Variants in ARHGAP8 observed in about 807,000 individuals in gnomAD.
ARHGAP8 encodes rho GTPase-activating protein 8.
ARHGAP8 carries 62 observed loss-of-function variants against 46.1 expected under a neutral mutation model. That is an observed-to-expected ratio of 1.34 (90% CI 1.10 to 1.66). ARHGAP8 has a LOEUF of 1.66. Among genes scored for constraint, ARHGAP8 ranks in the 40% most tolerant of loss-of-function variants. The probability of loss-of-function intolerance (pLI) is 0.00; values close to 1 mark genes in which losing one functional copy is unlikely to be tolerated. For synonymous variants in ARHGAP8, 375 were observed against 243.1 expected, an observed-to-expected ratio of 1.54 and a Z score of -5.05; for missense variants, 923 against 568.4, an observed-to-expected ratio of 1.62 and a Z score of -6.34.
intron 2 of ARHGAP8, among the ~76,000 whole-genome samples, chr22:44,801,140 T>G (rs9614939): frequency 2.5e-5 from 1 of 40,200 alleles, no homozygotes; most frequent in African/African-American, 1.6e-4. Context: ...TGTCCATGTG[T>G]GGGGGCACCT....
chr22:44,845,552 G>GC (rs67893074), intron 8 of ARHGAP8, among the ~76,000 whole-genome samples: 64,943 of 151,972 alleles, frequency 0.43, 16,223 homozygotes, highest in African/African-American at 0.69. Flanking sequence ...GTGACCTGGG[G>GC]CAGTTACCCT....
At chr22:44,814,570 C>A in intron 4 of ARHGAP8, 102 bp from the exon 5 acceptor site, 1 of 952,914 alleles carries the variant, frequency 1.0e-6, no homozygotes, top group Non-Finnish European at 1.6e-6. Flanking sequence ...AGAGGAGTAA[C>A]ATTCTGAGAC....
chr22:44,781,585 G>A (rs530651165), intron 1 of ARHGAP8, among the ~76,000 whole-genome samples: 37 of 152,208 alleles, frequency 2.4e-4, no homozygotes, highest in African/African-American at 8.2e-4. Context: ...GTGCGATGGC[G>A]CGATCTCAGC....
chr22:44,837,783 C>G (rs927414132), intron 7 of ARHGAP8, among the ~76,000 whole-genome samples: 3 of 152,056 alleles, frequency 2.0e-5, no homozygotes, highest in African/African-American at 7.2e-5. Context: ...CCTGTTCTTC[C>G]GCTAGCTGTG....
At chr22:44,767,846 C>G (rs1279869207) in intron 1 of ARHGAP8, among the ~76,000 whole-genome samples, 12 of 146,922 alleles carry the variant, frequency 8.2e-5, no homozygotes, top group Admixed American at 6.9e-4. Flanking sequence ...GCACTCCAGC[C>G]TGGGCGACAG....
chr22:44,856,997 A>G (rs942193283), intron 10 of ARHGAP8, among the ~76,000 whole-genome samples: 4 of 141,288 alleles, frequency 2.8e-5, no homozygotes, highest in South Asian at 2.2e-4. Flanking sequence ...CTGGAGTGCA[A>G]TGGTGCAATC....
At chr22:44,815,630 AG>A (rs2147104848) in intron 5 of ARHGAP8, among the ~76,000 whole-genome samples, 1 of 150,114 alleles carries the variant, frequency 6.7e-6, no homozygotes, top group Admixed American at 6.7e-5. Context: ...AGCGGCCTAA[AG>A]AAAGGCAGCC....
At chr22:44,783,626 C>T (rs954970732) in intron 1 of ARHGAP8, among the ~76,000 whole-genome samples, 3 of 152,172 alleles carry the variant, frequency 2.0e-5, no homozygotes, top group Non-Finnish European at 4.4e-5. Flanking sequence ...GAACCGGCAT[C>T]CCTGAGGCCA....
At chr22:44,860,093 G>C (rs939565839) in intron 11 of ARHGAP8, among the ~76,000 whole-genome samples, 1 of 152,088 alleles carries the variant, frequency 6.6e-6, no homozygotes, top group Non-Finnish European at 1.5e-5. Flanking sequence ...CATTGCCAGT[G>C]ACTTTTGTTA....
At chr22:44,850,459 C>G (rs538714722) in intron 10 of ARHGAP8, 13 of 152,286 alleles carry the variant, frequency 8.5e-5, no homozygotes, top group Middle Eastern at 3.4e-3. Flanking sequence ...TGCTCCATCA[C>G]CTGAATGCGC....
At chr22:44,776,794 TG>T (rs1324021429) in intron 1 of ARHGAP8, among the ~76,000 whole-genome samples, 2 of 152,162 alleles carry the variant, frequency 1.3e-5, no homozygotes, top group African/African-American at 4.8e-5. Context: ...GGTGGCCTGG[TG>T]GCGGGGGTAG....
At chr22:44,850,071 C>G (rs2070056598) in intron 10 of ARHGAP8, 1 of 152,128 alleles carries the variant, frequency 6.6e-6, no homozygotes, top group African/African-American at 2.4e-5. Context: ...GTGAGACCAG[C>G]CTGACCTCTG....
chr22:44,862,281 C>G lies in ARHGAP8; in HGVS notation c.988C>G (p.Arg330Gly), dbSNP rs150225391. 50 of 1,590,908 alleles carry G rather than the reference C, an allele frequency of 3.1e-5. No homozygotes were observed. Among genetic ancestry groups the G allele is most frequent in the Non-Finnish European group, 4.1e-5 (48 of 1,163,576 alleles). ...YLMGFLHAVSRESIFNKMNSS... is the reference protein window; with the variant it reads ...YLMGFLHAVSGESIFNKMNSS... ...TGTGTGTGGTTTCCTCCAGGTGTCC[C>G]GGGAGAGCATCTTCAACAAAATGAA... is the stretch of plus-strand genomic sequence containing the variant. Residue 330 changes from arginine (R) to glycine (G), a missense_variant, in exon 12 of 12, where the codon CGG (arginine) becomes GGG (glycine). Transcript: ENST00000356099.
chr22:44,806,814 A>C (rs1928954419), intron 3 of ARHGAP8, among the ~76,000 whole-genome samples: 1 of 152,054 alleles, frequency 6.6e-6, no homozygotes. Flanking sequence ...ATTAAAAAAA[A>C]TTAGCCGGGC....
At position 44,845,349 on chromosome 22, in the gene ARHGAP8, C is replaced by T. The variant is rs563332820; in HGVS notation, c.670+7C>T. ...ACGTACCTGAGAGAGAAAGGTGAGACGGGGCCGGCTCCAGCTGGATGACGT... is the reference window on the plus strand; with the variant it reads ...ACGTACCTGAGAGAGAAAGGTGAGATGGGGCCGGCTCCAGCTGGATGACGT... On this transcript the variant is annotated splice_region_variant and intron_variant, in intron 8 of 11. Transcript: ENST00000356099. The T allele has an allele frequency of 7.1e-5, 115 of 1,614,050 alleles. No homozygotes were observed. Among genetic ancestry groups the T allele is most frequent in the African/African-American group, 1.6e-4 (12 of 75,042 alleles).
In ARHGAP8 at chr22:44,808,321, C is replaced by T; in HGVS notation, c.182C>T (p.Thr61Ile). The T allele has an allele frequency of 2.5e-6, 4 of 1,614,092 alleles. No individual in the cohort carries two copies. The highest frequency in any genetic ancestry group is 3.4e-6 in the Non-Finnish European group (4 of 1,179,948). The change falls in exon 4 of 12, where the codon ACA becomes ATA. Residue 61 changes from threonine (T) to isoleucine (I), a missense_variant. By Grantham distance (89) the Thr-to-Ile change is moderately conservative. Coordinates refer to ENST00000356099, the MANE Select transcript of ARHGAP8 (RefSeq NM_181335.3). ...GTTGTGCCCAGGTATTTGAAGTACA[C>T]ACTGGACCAATACGTTGAGAACGAT... ...HQRLLEYLKY[T>I]LDQYVENDYT... is the part of the protein sequence containing the mutation.
chr22:44,775,294 G>A (rs1021069512), intron 1 of ARHGAP8, among the ~76,000 whole-genome samples: 3 of 152,208 alleles, frequency 2.0e-5, no homozygotes, highest in African/African-American at 7.2e-5. Flanking sequence ...CAGAGATGGC[G>A]AGAGTCTGGC....
At chr22:44,754,291 C>A (rs866867142) in intron 1 of ARHGAP8, among the ~76,000 whole-genome samples, 1 of 151,244 alleles carries the variant, frequency 6.6e-6, no homozygotes, top group Non-Finnish European at 1.5e-5. Context: ...GAGTGCCTGA[C>A]GGGGTGGGCC....
chr22:44,777,549 T>C (rs774337601), intron 1 of ARHGAP8, among the ~76,000 whole-genome samples: 39 of 152,126 alleles, frequency 2.6e-4, no homozygotes, highest in South Asian at 6.2e-4. Context: ...GCCTGAAGTC[T>C]CCTCCCTACT....
Sources: gnomAD v4.1 joint callset for allele counts (sites outside exome capture counted in the v4.1 genomes callset) on GRCh38, gnomAD v4.1.1 for gene constraint, MANE v1.5 for transcripts, NCBI Gene and HGNC (gene_info 2026-07-23, HGNC 2026-07-21) for gene names.